The following NIPAL2 variants were observed in gnomAD, a reference collection of about 807,000 sequenced individuals.
The protein encoded by NIPAL2 is NIPA like domain containing 2.
Under a neutral mutation model 48.9 loss-of-function variants are expected in NIPAL2, and 43 were observed. That is an observed-to-expected ratio of 0.88 (90% CI 0.69 to 1.13). The LOEUF (loss-of-function observed/expected upper bound fraction) is 1.13. NIPAL2 is among the 50% of genes most tolerant of loss of function. NIPAL2 has a pLI of 0.00. For missense variants in NIPAL2, 446 were observed against 461.4 expected (o/e 0.97, Z 0.31); for synonymous variants, 167 against 174.6 (o/e 0.96, Z 0.34).
chr8:98,269,384 T>C (rs145687522), intron 1 of NIPAL2, among the ~76,000 whole-genome samples: 1 of 152,322 alleles, frequency 6.6e-6, no homozygotes, highest in Non-Finnish European at 1.5e-5. Flanking sequence ...CATTGATCCA[T>C]AGGCTGCAGA....
chr8:98,223,426 A>G (rs947626558), intron 4 of NIPAL2, among the ~76,000 whole-genome samples: 1 of 152,152 alleles, frequency 6.6e-6, no homozygotes, highest in African/African-American at 2.4e-5. Context: ...GCTTATTTAT[A>G]TATAATTAGC....
intron 1 of NIPAL2, among the ~76,000 whole-genome samples, chr8:98,269,750 C>T (rs148126816): frequency 1.2e-3 from 175 of 152,080 alleles, no homozygotes; most frequent in African/African-American, 3.9e-3. Context: ...AGGGTATGTT[C>T]GCAAGATGCT....
Position 98,276,555 on chromosome 8 carries a change from G to A in NIPAL2, c.135+17448C>T, listed in dbSNP as rs186036113. 3.3e-5 allele frequency among the ~76,000 whole-genome samples: 5 copies of A among 152,184 alleles called. No individual in the cohort carries two copies. In the East Asian group the frequency reaches 5.8e-4, roughly 18 times the overall value. Reference sequence around the variant, plus strand: ...TGTGCAGGCTTTTGTGCAGACATACGTTTTCAGTGCCTGTGGGTAAATACC... The same window carrying A: ...TGTGCAGGCTTTTGTGCAGACATACATTTTCAGTGCCTGTGGGTAAATACC... On this transcript the variant is annotated intron_variant, in intron 1 of 10. Transcript: ENST00000430223.
At chr8:98,293,263 A>T (rs1816587166) in intron 1 of NIPAL2, among the ~76,000 whole-genome samples, 1 of 152,240 alleles carries the variant, frequency 6.6e-6, no homozygotes, top group Non-Finnish European at 1.5e-5. Context: ...CACCGTGATA[A>T]AACTTAGTTG....
chr8:98,258,343 A>T (rs1180210527), intron 1 of NIPAL2, among the ~76,000 whole-genome samples: 1 of 152,232 alleles, frequency 6.6e-6, no homozygotes, highest in East Asian at 1.9e-4. Flanking sequence ...GCTTAGTGCC[A>T]CAGAAGTGTA....
intron 1 of NIPAL2, among the ~76,000 whole-genome samples, chr8:98,275,748 T>G (rs1409444400): frequency 3.3e-5 from 5 of 152,200 alleles, no homozygotes; most frequent in Admixed American, 3.3e-4. Flanking sequence ...CTCCACTAAT[T>G]TATCTGCATT....
chr8:98,200,596 T>C (rs1343894816), intron 8 of NIPAL2, among the ~76,000 whole-genome samples: 1 of 152,254 alleles, frequency 6.6e-6, no homozygotes. Context: ...TGAACATACA[T>C]ATACAAATGT....
intron 1 of NIPAL2, among the ~76,000 whole-genome samples, chr8:98,262,943 G>A (rs1331259963): frequency 2.0e-5 from 3 of 150,250 alleles, no homozygotes; most frequent in Middle Eastern, 3.5e-3. Context: ...AGACCACAGT[G>A]CAATCAAACT....
At chr8:98,245,174 A>T (rs1175780592) in intron 3 of NIPAL2, among the ~76,000 whole-genome samples, 1 of 152,210 alleles carries the variant, frequency 6.6e-6, no homozygotes, top group East Asian at 1.9e-4. Flanking sequence ...TAAAAAGCAA[A>T]CCACAAAAAC....
intron 1 of NIPAL2, among the ~76,000 whole-genome samples, chr8:98,259,331 T>A (rs547568803): frequency 6.6e-6 from 1 of 152,118 alleles, no homozygotes; most frequent in South Asian, 2.1e-4. Flanking sequence ...CGTCTCGGCC[T>A]CCCAAAGTGC....
At chr8:98,236,307 G>T in intron 3 of NIPAL2, 93 bp from the exon 4 acceptor site, 1 of 802,868 alleles carries the variant, frequency 1.2e-6, no homozygotes, top group Non-Finnish European at 2.1e-6. Flanking sequence ...TGTGCCTTAT[G>T]CCTGATGAGC....
intron 8 of NIPAL2, among the ~76,000 whole-genome samples, chr8:98,201,651 A>G (rs1444761529): frequency 1.3e-5 from 2 of 152,208 alleles, no homozygotes; most frequent in Non-Finnish European, 2.9e-5. Flanking sequence ...CATTAATATT[A>G]ACTATCAGGC....
intron 1 of NIPAL2, among the ~76,000 whole-genome samples, chr8:98,267,638 A>G (rs1409161444): frequency 1.3e-5 from 2 of 152,036 alleles, no homozygotes; most frequent in African/African-American, 4.8e-5. Context: ...ATATTTTCTA[A>G]TCAGTAATGC....
chr8:98,221,520 G>A (rs944215287), intron 5 of NIPAL2, among the ~76,000 whole-genome samples: 1 of 152,014 alleles, frequency 6.6e-6, no homozygotes, highest in African/African-American at 2.4e-5. Flanking sequence ...AAATTTTGGA[G>A]GGCAGTTTGT....
At chr8:98,267,191 A>G (rs1415605790) in intron 1 of NIPAL2, among the ~76,000 whole-genome samples, 1 of 152,208 alleles carries the variant, frequency 6.6e-6, no homozygotes, top group Non-Finnish European at 1.5e-5. Context: ...TAATAGAGGG[A>G]TGGTAGAAAC....
intron 1 of NIPAL2, among the ~76,000 whole-genome samples, chr8:98,261,477 G>A (rs2130852746): frequency 6.8e-6 from 1 of 146,398 alleles, no homozygotes; most frequent in Non-Finnish European, 1.5e-5. Context: ...ACTACGTGAA[G>A]AATGCAGAAG....
chr8:98,276,760 T>TC (rs1302674989), intron 1 of NIPAL2, among the ~76,000 whole-genome samples: 3 of 148,970 alleles, frequency 2.0e-5, no homozygotes, highest in Non-Finnish European at 4.5e-5. Context: ...TCTTTCTTTC[T>TC]TTTTTTTTTC....
At chr8:98,274,019 G>A (rs1815309143) in intron 1 of NIPAL2, among the ~76,000 whole-genome samples, 1 of 151,812 alleles carries the variant, frequency 6.6e-6, no homozygotes. Context: ...AAATGAAGTT[G>A]GTTGCCACTT....
At chr8:98,196,095 T>A in intron 8 of NIPAL2, 90 bp from the exon 9 acceptor site, 1 of 818,550 alleles carries the variant, frequency 1.2e-6, no homozygotes, top group Non-Finnish European at 1.8e-6. Flanking sequence ...GTTAATATGT[T>A]ATTTTTTCAA....
Sources: gnomAD v4.1 joint callset for allele counts (sites outside exome capture counted in the v4.1 genomes callset) on GRCh38, gnomAD v4.1.1 for gene constraint, MANE v1.5 for transcripts, NCBI Gene and HGNC (gene_info 2026-07-23, HGNC 2026-07-21) for gene names.